Variants in LRRC4C observed in about 807,000 individuals in gnomAD.
LRRC4C encodes leucine-rich repeat-containing protein 4C.
LRRC4C carries 5 observed loss-of-function variants against 33.6 expected under a neutral mutation model. That is an observed-to-expected ratio of 0.15 (90% CI 0.08 to 0.31). The LOEUF is 0.31. LRRC4C is among the 10% of genes least tolerant of loss of function. The pLI is 1.00. For synonymous variants in LRRC4C, 329 were observed against 302.0 expected, an observed-to-expected ratio of 1.09 and a Z score of -0.93; for missense variants, 560 against 796.7, an observed-to-expected ratio of 0.70 and a Z score of 3.58.
chr11:41,293,211 A>C (rs1591179024), intron 1 of LRRC4C, among the ~76,000 whole-genome samples: 1 of 152,152 alleles, frequency 6.6e-6, no homozygotes, highest in African/African-American at 2.4e-5. Flanking sequence ...CTATAAATGC[A>C]AAACAGGTTA....
chr11:40,255,613 C>T (rs1183487406), intron 4 of LRRC4C, among the ~76,000 whole-genome samples: 4 of 152,144 alleles, frequency 2.6e-5, no homozygotes, highest in Non-Finnish European at 4.4e-5. Context: ...AATGCATCTG[C>T]TCAGCGGCTG....
At chr11:40,769,292 A>T (rs1222838401) in intron 2 of LRRC4C, among the ~76,000 whole-genome samples, 2 of 152,126 alleles carry the variant, frequency 1.3e-5, no homozygotes, top group Non-Finnish European at 2.9e-5. Context: ...AAATCTGTAC[A>T]ATGGAAACTA....
At chr11:40,227,611 G>A (rs1198944642) in intron 5 of LRRC4C, among the ~76,000 whole-genome samples, 1 of 152,088 alleles carries the variant, frequency 6.6e-6, no homozygotes, top group African/African-American at 2.4e-5. Flanking sequence ...GGTATGCAGT[G>A]TCACATCCGA....
At chr11:40,760,907 TA>T (rs945129248) in intron 2 of LRRC4C, among the ~76,000 whole-genome samples, 13 of 147,494 alleles carry the variant, frequency 8.8e-5, no homozygotes, top group Non-Finnish European at 1.6e-4. Flanking sequence ...ATATATTATA[TA>T]TTTTTTTTGT....
intron 3 of LRRC4C, among the ~76,000 whole-genome samples, chr11:40,597,387 G>T (rs74504702): frequency 0.033 from 5,026 of 152,022 alleles, 119 homozygotes; most frequent in African/African-American, 0.057. Context: ...TTACTTTTGC[G>T]TGCTACTCCA....
chr11:40,513,248 C>CAAAAAAAAAA (rs1171178910), intron 3 of LRRC4C, among the ~76,000 whole-genome samples: 14 of 54,894 alleles, frequency 2.6e-4, no homozygotes, highest in African/African-American at 5.3e-4. Flanking sequence ...GACTCCGTCT[C>CAAAAAAAAAA]AAAAAAAAAA....
intron 3 of LRRC4C, among the ~76,000 whole-genome samples, chr11:40,498,206 C>T (rs2138591209): frequency 6.6e-6 from 1 of 152,146 alleles, no homozygotes; most frequent in South Asian, 2.1e-4. Flanking sequence ...CTAAAGTTGC[C>T]CCCTAAATAA....
At chr11:41,336,251 TAA>T (rs1208727322) in intron 1 of LRRC4C, among the ~76,000 whole-genome samples, 2 of 149,190 alleles carry the variant, frequency 1.3e-5, no homozygotes, top group Non-Finnish European at 1.5e-5. Context: ...CCTTTTTTTT[TAA>T]AAAAAAAAGT....
chr11:41,084,398 A>C (rs541883492), intron 1 of LRRC4C, among the ~76,000 whole-genome samples: 1 of 152,286 alleles, frequency 6.6e-6, no homozygotes, highest in African/African-American at 2.4e-5. Context: ...GTGAGGGTGA[A>C]AGAAGATACT....
At chr11:41,314,488 T>C (rs551921332) in intron 1 of LRRC4C, among the ~76,000 whole-genome samples, 66 of 152,268 alleles carry the variant, frequency 4.3e-4, no homozygotes, top group Non-Finnish European at 7.8e-4. Context: ...TTTGGTACTG[T>C]TATAAAAAGA....
At chr11:40,529,455 G>T (rs1956187370) in intron 3 of LRRC4C, among the ~76,000 whole-genome samples, 1 of 152,066 alleles carries the variant, frequency 6.6e-6, no homozygotes, top group Non-Finnish European at 1.5e-5. Flanking sequence ...GATAATAGCG[G>T]TCAGACAAGT....
chr11:40,478,641 C>T (rs1308489902), intron 3 of LRRC4C, among the ~76,000 whole-genome samples: 1 of 152,132 alleles, frequency 6.6e-6, no homozygotes, highest in Non-Finnish European at 1.5e-5. Context: ...TTGCTGTACC[C>T]ATTAACTCGT....
chr11:41,118,459 C>A (rs1261462987), intron 1 of LRRC4C, among the ~76,000 whole-genome samples: 1 of 152,168 alleles, frequency 6.6e-6, no homozygotes, highest in East Asian at 1.9e-4. Context: ...TCTTTTCTTA[C>A]ACAAGCCAAA....
chr11:41,042,510 G>T (rs1302364948), intron 1 of LRRC4C, among the ~76,000 whole-genome samples: 1 of 152,110 alleles, frequency 6.6e-6, no homozygotes, highest in Non-Finnish European at 1.5e-5. Flanking sequence ...GATTAAAATT[G>T]AAGCATAATT....
At chr11:40,177,465 C>G (rs781680154) in intron 5 of LRRC4C, among the ~76,000 whole-genome samples, 1 of 152,014 alleles carries the variant, frequency 6.6e-6, no homozygotes, top group Admixed American at 6.6e-5. Flanking sequence ...GCTCCGACTT[C>G]TCTCCCTCAC....
At chr11:40,138,914 G>A (rs1857167646) in intron 6 of LRRC4C, among the ~76,000 whole-genome samples, 3 of 152,166 alleles carry the variant, frequency 2.0e-5, no homozygotes, top group Non-Finnish European at 1.5e-5. Flanking sequence ...ACTTTCAAGT[G>A]ACAGCCAAGA....
At chr11:40,723,887 T>C (rs1320410540) in intron 2 of LRRC4C, among the ~76,000 whole-genome samples, 1 of 152,076 alleles carries the variant, frequency 6.6e-6, no homozygotes, top group Non-Finnish European at 1.5e-5. Flanking sequence ...ATGACACCCA[T>C]AGGCTCAAAG....
chr11:40,749,115 C>A (rs1037731927), intron 2 of LRRC4C, among the ~76,000 whole-genome samples: 1 of 152,004 alleles, frequency 6.6e-6, no homozygotes, highest in Admixed American at 6.6e-5. Context: ...GAATTTAGAC[C>A]AAGTGAACTT....
chr11:41,092,294 T>C (rs1367796468), intron 1 of LRRC4C, among the ~76,000 whole-genome samples: 4 of 152,188 alleles, frequency 2.6e-5, no homozygotes, highest in African/African-American at 4.8e-5. Context: ...TCGGAGGAAG[T>C]AGACGATGAG....
Sources: gnomAD v4.1 joint callset for allele counts (sites outside exome capture counted in the v4.1 genomes callset) on GRCh38, gnomAD v4.1.1 for gene constraint, MANE v1.5 for transcripts, NCBI Gene and HGNC (gene_info 2026-07-23, HGNC 2026-07-21) for gene names.